The following SRRM3 variants were observed in gnomAD, a reference collection of about 807,000 sequenced individuals.
SRRM3 encodes the protein serine/arginine repetitive matrix 3.
A neutral mutation model predicts 66.2 loss-of-function variants in SRRM3; 27 were observed. The observed-to-expected ratio is 0.41, with a 90% CI of 0.30 to 0.56. The LOEUF (loss-of-function observed/expected upper bound fraction) is 0.56, where lower values mean the gene tolerates loss of function less well. SRRM3 is among the 20% of genes least tolerant of loss of function. SRRM3 has a pLI of 0.32. For missense variants in SRRM3, 918 were observed against 991.9 expected (o/e 0.93, Z 1.00); for synonymous variants, 391 against 414.9 (o/e 0.94, Z 0.70).
At chr7:76,225,441 C>T (rs61442251) in intron 1 of SRRM3, among the ~76,000 whole-genome samples, 1 of 152,050 alleles carries the variant, frequency 6.6e-6, no homozygotes, top group Non-Finnish European at 1.5e-5. Flanking sequence ...GAAAAAAAAG[C>T]CCCTAGAGGA....
At chr7:76,278,139 A>T (rs1802404958) in intron 11 of SRRM3, among the ~76,000 whole-genome samples, 1 of 152,172 alleles carries the variant, frequency 6.6e-6, no homozygotes, top group Non-Finnish European at 1.5e-5. Flanking sequence ...TGGGGGGAGT[A>T]TGTGTTAGGG....
chr7:76,276,073 C>T (rs1197895654), intron 11 of SRRM3, among the ~76,000 whole-genome samples: 1 of 145,896 alleles, frequency 6.9e-6, no homozygotes, highest in Non-Finnish European at 1.5e-5. Context: ...GAGCCAGACC[C>T]CCATCTCAAA....
Position 76,281,797 on chromosome 7 carries a change from G to A in SRRM3, c.1365G>A (p.Gly455=). ...CTGAGCGAGGCCACGGCGGACACGG[G>A]AAACGGTGAGCGTGCTGGACCCGGA... ...PGSERGHGGH[G]KRAKERPPRA... Residue 455 remains glycine, a synonymous_variant, in exon 12 of 15, where the codon GGG becomes GGA. Coordinates refer to ENST00000611745, the MANE Select transcript of SRRM3 (RefSeq NM_001110199.3). The A allele has an allele frequency of 7.3e-7, 1 of 1,379,184 alleles. No individual in the cohort carries two copies. The highest frequency in any genetic ancestry group is 2.7e-4 in the Middle Eastern group (1 of 3,688). 85.4% of individuals were successfully genotyped at this position (1,379,184 alleles called of 1,614,324 possible). A position where few individuals can be genotyped will look rare whatever the true frequency, so the allele number is the denominator to read the frequency against.
intron 3 of SRRM3, among the ~76,000 whole-genome samples, chr7:76,250,310 C>A (rs1583908536): frequency 6.6e-6 from 1 of 152,282 alleles, no homozygotes; most frequent in East Asian, 1.9e-4. Flanking sequence ...CAGCTCACTG[C>A]AACCTCTGCC....
chr7:76,255,850 C>T (rs954887252), intron 3 of SRRM3, among the ~76,000 whole-genome samples: 1 of 152,104 alleles, frequency 6.6e-6, no homozygotes, highest in African/African-American at 2.4e-5. Context: ...GCCTCCCTTC[C>T]CTCTGTTTCA....
chr7:76,232,200 G>C (rs1205618695), intron 1 of SRRM3, among the ~76,000 whole-genome samples: 2 of 152,138 alleles, frequency 1.3e-5, no homozygotes, highest in African/African-American at 2.4e-5. Context: ...AGCCCAGGGG[G>C]AGCCAGACCT....
At chr7:76,265,273 G>A (rs1164627239) in intron 9 of SRRM3, 91 bp from the exon 10 acceptor site, 4 of 850,552 alleles carry the variant, frequency 4.7e-6, no homozygotes, top group Non-Finnish European at 7.2e-6. Context: ...GGTTCCACTG[G>A]GATCCTGGTG....
In SRRM3 at chr7:76,273,774, A is replaced by G. The variant is rs73373450; in HGVS notation, c.1008+6339A>G. On this transcript the variant is annotated intron_variant, in intron 11 of 14. Transcript: ENST00000611745. ...TCATTTGTAACTTGCACTTTCTTCA[A>G]ATGAGCTACAAAGCTATGTTTCCTG... Among the ~76,000 whole-genome samples, 1,233 of 152,146 alleles carry G rather than the reference A, an allele frequency of 8.1e-3. 18 individuals carry two copies. Among genetic ancestry groups the G allele is most frequent in the African/African-American group, 0.029 (1,188 of 41,486 alleles).
chr7:76,276,085 AAT>A (rs10549356), intron 11 of SRRM3, among the ~76,000 whole-genome samples: 30,444 of 147,654 alleles, frequency 0.21, 5,273 homozygotes, highest in African/African-American at 0.47. Flanking sequence ...CATCTCAAAA[AAT>A]ATATATATAT....
chr7:76,208,934 A>G (rs563371121), intron 1 of SRRM3, among the ~76,000 whole-genome samples: 7 of 151,620 alleles, frequency 4.6e-5, no homozygotes, highest in Admixed American at 1.3e-4. Context: ...AGGAAGGAAG[A>G]AAGAAAAAGA....
chr7:76,244,550 GAA>G (rs1801390827), intron 2 of SRRM3, among the ~76,000 whole-genome samples: 1 of 88,624 alleles, frequency 1.1e-5, no homozygotes, highest in Non-Finnish European at 2.5e-5. Context: ...AAAAGTTGAA[GAA>G]GAAGAAGAAG....
intron 11 of SRRM3, among the ~76,000 whole-genome samples, chr7:76,276,290 C>T (rs1802346840): frequency 6.6e-6 from 1 of 152,064 alleles, no homozygotes; most frequent in African/African-American, 2.4e-5. Flanking sequence ...ATCTGGATGT[C>T]CATGCCAGGA....
intron 1 of SRRM3, among the ~76,000 whole-genome samples, chr7:76,215,667 G>A (rs750480910): frequency 5.7e-4 from 77 of 134,928 alleles, no homozygotes; most frequent in Non-Finnish European, 9.6e-4. Context: ...CACTCTTGTC[G>A]CCCAGGCTGG....
chr7:76,229,704 AC>A (rs1232603758), intron 1 of SRRM3, among the ~76,000 whole-genome samples: 2 of 149,168 alleles, frequency 1.3e-5, no homozygotes, highest in Non-Finnish European at 3.0e-5. Flanking sequence ...AGAATGTGGC[AC>A]TTTTCACTAT....
rs542024915 is a variant in SRRM3, at chr7:76,224,270, G to A, written c.-39-10758G>A. Among the ~76,000 whole-genome samples the A allele has an allele frequency of 3.3e-5, 5 of 149,408 alleles. No homozygotes were observed. The South Asian group carries it at 6.4e-4, about 19-fold the overall frequency. ...AATTTTTTGTATTTTAGTAGAGACC[G>A]GGTTTCACCATGTTGCCCAGGCTGG... On this transcript the variant is annotated intron_variant, in intron 1 of 14. Coordinates refer to ENST00000611745, the MANE Select transcript of SRRM3 (RefSeq NM_001110199.3).
At chr7:76,279,813 C>T (rs923712391) in intron 11 of SRRM3, among the ~76,000 whole-genome samples, 1 of 152,074 alleles carries the variant, frequency 6.6e-6, no homozygotes, top group African/African-American at 2.4e-5. Context: ...ATCCTTGTGT[C>T]CTAACTCCAC....
At chr7:76,283,618 C>T in intron 14 of SRRM3, 3 of 494,730 alleles carry the variant, frequency 6.1e-6, no homozygotes, top group Non-Finnish European at 7.6e-6. Context: ...CTGGTCTGGC[C>T]CTGGTCAGCT....
intron 1 of SRRM3, among the ~76,000 whole-genome samples, chr7:76,231,329 T>C (rs782054543): frequency 2.0e-4 from 30 of 152,304 alleles, no homozygotes; most frequent in Middle Eastern, 3.4e-3. Flanking sequence ...TCTCCTTTCC[T>C]CCTCAATCAT....
At chr7:76,272,432 A>G (rs1802236922) in intron 11 of SRRM3, among the ~76,000 whole-genome samples, 1 of 152,024 alleles carries the variant, frequency 6.6e-6, no homozygotes, top group African/African-American at 2.4e-5. Flanking sequence ...GCCAGATGTG[A>G]TGGTGCATGC....
Sources: gnomAD v4.1 joint callset for allele counts (sites outside exome capture counted in the v4.1 genomes callset) on GRCh38, gnomAD v4.1.1 for gene constraint, MANE v1.5 for transcripts, NCBI Gene and HGNC (gene_info 2026-07-23, HGNC 2026-07-21) for gene names.